Variants in ASIC2 observed in about 807,000 individuals in gnomAD.
ASIC2 encodes acid-sensing ion channel 2.
In ASIC2, 25 loss-of-function variants were observed where a neutral mutation model predicts 57.3. That is an observed-to-expected ratio of 0.44 (90% confidence interval 0.32 to 0.61). The LOEUF is 0.61. Ranked by LOEUF, ASIC2 falls within the 20% of genes least tolerant of loss-of-function variation. The pLI, the probability that ASIC2 is intolerant of heterozygous loss-of-function variation, is 0.06. For missense variants in ASIC2, 641 were observed against 738.1 expected, an observed-to-expected ratio of 0.87 and a Z score of 1.52; for synonymous variants, 319 against 307.5, an observed-to-expected ratio of 1.04 and a Z score of -0.39.
At chr17:33,546,636 T>C (rs1915586949) in intron 1 of ASIC2, among the ~76,000 whole-genome samples, 1 of 152,128 alleles carries the variant, frequency 6.6e-6, no homozygotes, top group Non-Finnish European at 1.5e-5. Flanking sequence ...CCCTTCTCCA[T>C]AGAGAAGAAA....
At chr17:33,018,347 C>CAATAGGTGTATAG (rs1339547359) in intron 7 of ASIC2, among the ~76,000 whole-genome samples, 1 of 152,162 alleles carries the variant, frequency 6.6e-6, no homozygotes, top group African/African-American at 2.4e-5. Context: ...ACACCTAGGC[C>CAATAGGTGTATAG]AATAGAATCA....
chr17:33,758,220 C>A (rs543999608), intron 1 of ASIC2, among the ~76,000 whole-genome samples: 62 of 152,196 alleles, frequency 4.1e-4, no homozygotes, highest in African/African-American at 1.5e-3. Flanking sequence ...TATGTAACAT[C>A]TGGGAAGTGT....
At chr17:34,103,055 G>A (rs1598027907) in intron 1 of ASIC2, among the ~76,000 whole-genome samples, 1 of 152,274 alleles carries the variant, frequency 6.6e-6, no homozygotes, top group East Asian at 1.9e-4. Context: ...TCTTCTGTCA[G>A]AAATATGCTT....
At chr17:34,154,750 C>T (rs1904649628) in intron 1 of ASIC2, among the ~76,000 whole-genome samples, 1 of 152,180 alleles carries the variant, frequency 6.6e-6, no homozygotes, top group South Asian at 2.1e-4. Context: ...ACTGCTATAC[C>T]TGCTATTCCC....
chr17:33,979,217 C>T (rs1337465807), intron 1 of ASIC2, among the ~76,000 whole-genome samples: 3 of 152,042 alleles, frequency 2.0e-5, no homozygotes, highest in Non-Finnish European at 4.4e-5. Flanking sequence ...CTTGGCCTGG[C>T]GTTGTCTTGG....
intron 1 of ASIC2, among the ~76,000 whole-genome samples, chr17:33,278,212 T>C (rs1260280796): frequency 6.6e-6 from 1 of 152,040 alleles, no homozygotes; most frequent in Non-Finnish European, 1.5e-5. Flanking sequence ...TTTTTTTTTT[T>C]TGCCTTCACA....
intron 1 of ASIC2, among the ~76,000 whole-genome samples, chr17:33,909,412 C>G (rs1010062188): frequency 6.6e-6 from 1 of 152,228 alleles, no homozygotes; most frequent in Non-Finnish European, 1.5e-5. Flanking sequence ...GGCAGGCACA[C>G]TTCTCATCTC....
chr17:33,098,093 T>C (rs1018461059), intron 2 of ASIC2, among the ~76,000 whole-genome samples: 1 of 152,224 alleles, frequency 6.6e-6, no homozygotes, highest in Non-Finnish European at 1.5e-5. Context: ...TAGTTTCCTC[T>C]GTTCAAATGA....
At chr17:33,644,676 T>C (rs1906686372) in intron 1 of ASIC2, among the ~76,000 whole-genome samples, 1 of 152,238 alleles carries the variant, frequency 6.6e-6, no homozygotes, top group Non-Finnish European at 1.5e-5. Flanking sequence ...ATGTTTAGTA[T>C]TACGTGATGA....
At chr17:34,133,320 G>T (rs190626873) in intron 1 of ASIC2, among the ~76,000 whole-genome samples, 3 of 152,134 alleles carry the variant, frequency 2.0e-5, no homozygotes, top group African/African-American at 7.2e-5. Context: ...CTGGGTGGGT[G>T]GGGGGCAGAG....
chr17:33,722,779 G>A (rs566777947), intron 1 of ASIC2, among the ~76,000 whole-genome samples: 1 of 151,626 alleles, frequency 6.6e-6, no homozygotes, highest in East Asian at 1.9e-4. Context: ...AACAACAATG[G>A]CAACAAAAAA....
intron 1 of ASIC2, among the ~76,000 whole-genome samples, chr17:33,579,354 T>G (rs1225507757): frequency 6.6e-6 from 1 of 150,846 alleles, no homozygotes; most frequent in Non-Finnish European, 1.5e-5. Context: ...GAACACGATG[T>G]GGCTTGGTAT....
chr17:33,524,504 A>G (rs1331723679), intron 1 of ASIC2, among the ~76,000 whole-genome samples: 1 of 152,158 alleles, frequency 6.6e-6, no homozygotes, highest in African/African-American at 2.4e-5. Context: ...GTGGTCTTTT[A>G]CCAGTATTGT....
chr17:33,191,098 A>AT (rs2142068114), intron 1 of ASIC2, among the ~76,000 whole-genome samples: 1 of 152,314 alleles, frequency 6.6e-6, no homozygotes, highest in East Asian at 1.9e-4. Flanking sequence ...AGCCTAAAAG[A>AT]TTTTTTTAAA....
chr17:33,089,041 A>G, intron 2 of ASIC2, 51 bp from the exon 3 acceptor site: 1 of 1,607,118 alleles, frequency 6.2e-7, no homozygotes, highest in South Asian at 1.1e-5. Context: ...ACAGATGCTC[A>G]TGGAGTCCTG....
At chr17:33,895,029 C>T (rs948462718) in intron 1 of ASIC2, among the ~76,000 whole-genome samples, 2 of 152,168 alleles carry the variant, frequency 1.3e-5, no homozygotes, top group South Asian at 2.1e-4. Flanking sequence ...CGTTGCGCTG[C>T]TGGGTTGTAC....
At chr17:33,520,534 G>A (rs1914707691) in intron 1 of ASIC2, among the ~76,000 whole-genome samples, 1 of 152,192 alleles carries the variant, frequency 6.6e-6, no homozygotes, top group Non-Finnish European at 1.5e-5. Flanking sequence ...ACCCAGTCCA[G>A]TACAGTCGTA....
chr17:34,071,153 G>A (rs900394694), intron 1 of ASIC2: 1 of 147,074 alleles, frequency 6.8e-6, no homozygotes, highest in Non-Finnish European at 1.5e-5. Flanking sequence ...GATTAGGCCA[G>A]ATATCTCCAT....
chr17:33,336,925 C>A (rs1348229122), intron 1 of ASIC2, among the ~76,000 whole-genome samples: 1 of 152,146 alleles, frequency 6.6e-6, no homozygotes, highest in Non-Finnish European at 1.5e-5. Context: ...CACAAATGGC[C>A]TTGGTTCTTG....
Sources: allele counts gnomAD v4.1 joint callset (sites outside exome capture counted in the v4.1 genomes callset), GRCh38; gene constraint gnomAD v4.1.1; transcripts MANE v1.5; gene names NCBI Gene and HGNC (gene_info 2026-07-23, HGNC 2026-07-21).